The following HMCN1 variants were observed in gnomAD, a reference collection of about 807,000 sequenced individuals.
The protein encoded by HMCN1 is hemicentin 1.
A neutral mutation model predicts 625.9 loss-of-function variants in HMCN1; 321 were observed. That is an observed-to-expected ratio of 0.51 (90% confidence interval 0.47 to 0.56). The LOEUF is 0.56. HMCN1 is among the 20% of genes least tolerant of loss of function. HMCN1 has a pLI of 0.00. For missense variants in HMCN1, 6,588 were observed against 6,887.3 expected (o/e 0.96, Z 1.54); for synonymous variants, 2,425 against 2,417.6 (o/e 1.00, Z -0.09).
At chr1:185,872,741 T>C (rs2102373666) in intron 4 of HMCN1, among the ~76,000 whole-genome samples, 1 of 152,316 alleles carries the variant, frequency 6.6e-6, no homozygotes, top group East Asian at 1.9e-4. Flanking sequence ...CATTTCATGA[T>C]TTTGTATATG....
At chr1:185,948,029 A>G (rs1322817534) in intron 11 of HMCN1, among the ~76,000 whole-genome samples, 1 of 152,206 alleles carries the variant, frequency 6.6e-6, no homozygotes, top group Non-Finnish European at 1.5e-5. Flanking sequence ...CACTGTTAGG[A>G]TGGGATATAG....
chr1:186,067,760 T>C (rs1658221186), intron 49 of HMCN1, 74 bp from the exon 50 acceptor site: 4 of 976,590 alleles, frequency 4.1e-6, no homozygotes, highest in Non-Finnish European at 6.6e-6. Flanking sequence ...CAAATACATA[T>C]AATGGAAATT....
At chr1:185,984,104 GT>G (rs1651844483) in intron 18 of HMCN1, 64 bp from the exon 19 acceptor site, 1 of 1,340,864 alleles carries the variant, frequency 7.5e-7, no homozygotes, top group Non-Finnish European at 1.0e-6. Context: ...GAAAAAGCAG[GT>G]TCATTTTTGA....
chr1:185,805,145 C>G (rs1055986549), intron 1 of HMCN1, among the ~76,000 whole-genome samples: 1 of 152,034 alleles, frequency 6.6e-6, no homozygotes, highest in East Asian at 1.9e-4. Flanking sequence ...TTTCACTTGC[C>G]TAACCTTACA....
intron 9 of HMCN1, among the ~76,000 whole-genome samples, chr1:185,926,117 A>G (rs1667263684): frequency 6.6e-6 from 1 of 152,216 alleles, no homozygotes; most frequent in Non-Finnish European, 1.5e-5. Context: ...ATATTTCTGG[A>G]AAGTGTTGCC....
At chr1:185,869,144 C>T (rs759800921) in intron 4 of HMCN1, among the ~76,000 whole-genome samples, 1 of 152,090 alleles carries the variant, frequency 6.6e-6, no homozygotes, top group Non-Finnish European at 1.5e-5. Flanking sequence ...ACAATCAAAC[C>T]CATCCTACTG....
intron 75 of HMCN1, among the ~76,000 whole-genome samples, chr1:186,116,326 A>T (rs1488611692): frequency 6.6e-6 from 1 of 152,140 alleles, no homozygotes; most frequent in African/African-American, 2.4e-5. Context: ...ACTTTAAATC[A>T]TGTATGTGTA....
At chr1:186,169,374 G>A (rs749476618) in intron 100 of HMCN1, among the ~76,000 whole-genome samples, 8 of 152,142 alleles carry the variant, frequency 5.3e-5, no homozygotes, top group Non-Finnish European at 8.8e-5. Context: ...AAAAGAGCCC[G>A]TATAGCCAAG....
intron 1 of HMCN1, among the ~76,000 whole-genome samples, chr1:185,797,008 T>C (rs930239480): frequency 6.6e-6 from 1 of 152,190 alleles, no homozygotes; most frequent in Non-Finnish European, 1.5e-5. Context: ...ACAACATCTG[T>C]TATTTGTTGA....
intron 1 of HMCN1, among the ~76,000 whole-genome samples, chr1:185,822,542 C>T (rs1219913586): frequency 6.6e-6 from 1 of 152,108 alleles, no homozygotes. Flanking sequence ...CAACTCCTTC[C>T]TCACACAGCT....
intron 36 of HMCN1, among the ~76,000 whole-genome samples, chr1:186,031,952 A>G (rs1416926682): frequency 6.6e-6 from 1 of 152,044 alleles, no homozygotes; most frequent in Non-Finnish European, 1.5e-5. Flanking sequence ...CTCAATATCC[A>G]CAGGGGATTG....
chr1:185,793,402 A>G (rs562311647), intron 1 of HMCN1, among the ~76,000 whole-genome samples: 1 of 151,996 alleles, frequency 6.6e-6, no homozygotes, highest in East Asian at 1.9e-4. Context: ...ATCTTCTGTG[A>G]CTCGACTTTC....
intron 15 of HMCN1, 37 bp downstream of exon 15, chr1:185,970,530 A>T: frequency 6.5e-7 from 1 of 1,543,576 alleles, no homozygotes; most frequent in Non-Finnish European, 9.0e-7. Context: ...TTTGTTTAGA[A>T]ATTGATATGT....
chr1:186,118,901 T>G (rs1661256689), intron 77 of HMCN1, among the ~76,000 whole-genome samples: 1 of 152,152 alleles, frequency 6.6e-6, no homozygotes, highest in African/African-American at 2.4e-5. Context: ...TTGGGGGTGA[T>G]GGAAATATTC....
At chr1:186,097,551 TGGAAA>T in intron 68 of HMCN1, among the ~76,000 whole-genome samples, 1 of 149,312 alleles carries the variant, frequency 6.7e-6, no homozygotes, top group Non-Finnish European at 1.5e-5. Context: ...GTGAAAGAAA[TGGAAA>T]GGAAACAAAT....
At chr1:186,055,875 A>G (rs191813432) in intron 45 of HMCN1, among the ~76,000 whole-genome samples, 1 of 152,080 alleles carries the variant, frequency 6.6e-6, no homozygotes, top group East Asian at 1.9e-4. Flanking sequence ...AAATAAGCGC[A>G]TATTAGATAT....
chr1:186,174,057 T>C (rs1652406156), intron 102 of HMCN1, among the ~76,000 whole-genome samples: 1 of 152,208 alleles, frequency 6.6e-6, no homozygotes, highest in African/African-American at 2.4e-5. Context: ...CCTGCTGTTA[T>C]CACAAATAGG....
intron 71 of HMCN1, among the ~76,000 whole-genome samples, chr1:186,110,974 A>ATTTTTTT (rs778503338): frequency 5.0e-5 from 3 of 59,952 alleles, no homozygotes; most frequent in Admixed American, 1.9e-4. Flanking sequence ...ACCAGAGAAA[A>ATTTTTTT]TTCTTTTTTT....
chr1:186,130,156 GTT>G (rs1661855445), intron 84 of HMCN1, 56 bp downstream of exon 84: 2 of 1,607,492 alleles, frequency 1.2e-6, no homozygotes, highest in African/African-American at 2.7e-5. Flanking sequence ...AATAGTTCAA[GTT>G]TTGCTTCTTT....
Sources: allele counts gnomAD v4.1 joint callset (sites outside exome capture counted in the v4.1 genomes callset), GRCh38; gene constraint gnomAD v4.1.1; transcripts MANE v1.5; gene names NCBI Gene and HGNC (gene_info 2026-07-23, HGNC 2026-07-21).